Variants in ELP4 observed in about 807,000 individuals in gnomAD.
ELP4 encodes elongator acetyltransferase complex subunit 4, also known as elongator complex protein 4.
ELP4 carries 51 observed loss-of-function variants against 48.9 expected under a neutral mutation model. That is an observed-to-expected ratio of 1.04 (90% CI 0.83 to 1.32). ELP4 has a LOEUF of 1.32. Among genes scored for constraint, ELP4 ranks in the 40% most tolerant of loss-of-function variants. ELP4 has a pLI of 0.00. For missense variants in ELP4, 519 were observed against 514.6 expected (o/e 1.01, Z -0.08); for synonymous variants, 210 against 189.2 (o/e 1.11, Z -0.90).
chr11:31,703,163 G>C (rs1946562450), intron 9 of ELP4, among the ~76,000 whole-genome samples: 2 of 152,224 alleles, frequency 1.3e-5, no homozygotes, highest in South Asian at 2.1e-4. Context: ...CAGTGACTAC[G>C]TGTTTGGTCT....
At chr11:31,570,777 CA>C (rs1957180910) in intron 3 of ELP4, among the ~76,000 whole-genome samples, 1 of 146,628 alleles carries the variant, frequency 6.8e-6, no homozygotes, top group Non-Finnish European at 1.5e-5. Flanking sequence ...TGTGCCTGGC[CA>C]AACTGTAAAC....
chr11:31,738,624 G>A (rs1020180286), intron 9 of ELP4, among the ~76,000 whole-genome samples: 15 of 151,894 alleles, frequency 9.9e-5, no homozygotes, highest in Non-Finnish European at 1.6e-4. Context: ...TAGTCTCAGC[G>A]CCGGGGGAGG....
At chr11:31,531,508 A>T (rs1956395398) in intron 2 of ELP4, among the ~76,000 whole-genome samples, 1 of 152,206 alleles carries the variant, frequency 6.6e-6, no homozygotes, top group South Asian at 2.1e-4. Flanking sequence ...GGTGCCACCT[A>T]ATCTTGGTCT....
chr11:31,755,730 CAAAAAAA>C (rs58181247), intron 9 of ELP4, among the ~76,000 whole-genome samples: 1 of 99,252 alleles, frequency 1.0e-5, no homozygotes, highest in Non-Finnish European at 2.3e-5. Context: ...CCTGGAATTA[CAAAAAAA>C]AAAAAAAAAA....
intron 3 of ELP4, among the ~76,000 whole-genome samples, chr11:31,549,712 C>G (rs1354358409): frequency 6.6e-6 from 1 of 152,132 alleles, no homozygotes; most frequent in Non-Finnish European, 1.5e-5. Context: ...GCACTATTCA[C>G]AATAGCAAAG....
intron 3 of ELP4, among the ~76,000 whole-genome samples, chr11:31,558,892 A>C (rs1038023917): frequency 1.3e-5 from 2 of 152,192 alleles, no homozygotes; most frequent in African/African-American, 4.8e-5. Flanking sequence ...CCAAAGTCAG[A>C]ATTGGGAATA....
chr11:31,660,398 T>C (rs1316714128), intron 9 of ELP4, among the ~76,000 whole-genome samples: 2 of 152,202 alleles, frequency 1.3e-5, no homozygotes, highest in African/African-American at 4.8e-5. Context: ...GTCAGTGCTA[T>C]AGCATGAAGT....
intron 1 of ELP4, among the ~76,000 whole-genome samples, chr11:31,518,922 G>A (rs182853733): frequency 9.6e-4 from 141 of 147,418 alleles, no homozygotes; most frequent in African/African-American, 3.3e-3. Flanking sequence ...AAAAATTCCC[G>A]TTTCTCAGCC....
intron 3 of ELP4, among the ~76,000 whole-genome samples, chr11:31,557,502 AC>A (rs1409424905): frequency 6.6e-6 from 1 of 151,996 alleles, no homozygotes; most frequent in East Asian, 1.9e-4. Context: ...TATTCACTGA[AC>A]AGAGAACAAA....
At chr11:31,689,663 T>C (rs1015125076) in intron 9 of ELP4, among the ~76,000 whole-genome samples, 1 of 152,118 alleles carries the variant, frequency 6.6e-6, no homozygotes, top group Non-Finnish European at 1.5e-5. Flanking sequence ...CCATCTTATG[T>C]TCTATGTACT....
At chr11:31,769,599 G>A (rs1363189708) in intron 9 of ELP4, among the ~76,000 whole-genome samples, 4 of 152,144 alleles carry the variant, frequency 2.6e-5, no homozygotes, top group Non-Finnish European at 5.9e-5. Flanking sequence ...ATTGGATAGT[G>A]GATCTGCTGC....
At chr11:31,548,913 T>A (rs1242570292) in intron 3 of ELP4, among the ~76,000 whole-genome samples, 3 of 152,012 alleles carry the variant, frequency 2.0e-5, no homozygotes. Context: ...TAAATGGTGC[T>A]GGGAAAACTG....
chr11:31,677,736 A>G (rs543067345), intron 9 of ELP4, among the ~76,000 whole-genome samples: 4 of 152,188 alleles, frequency 2.6e-5, no homozygotes, highest in Non-Finnish European at 5.9e-5. Flanking sequence ...GAAAAATTGA[A>G]AAGAAAATAT....
chr11:31,528,620 A>G (rs904634238), intron 2 of ELP4, among the ~76,000 whole-genome samples: 2 of 152,126 alleles, frequency 1.3e-5, no homozygotes, highest in Admixed American at 6.5e-5. Context: ...GCCAATTTCT[A>G]TTTCTGTGCT....
rs1047467258 is a variant in ELP4 at position 31,621,169 on chromosome 11, A to G, written c.654-5941A>G. On this transcript the variant is annotated intron_variant, in intron 5 of 9. Transcript: ENST00000640961. ...TACTGCCTTACAAGGGTATCTCACT[A>G]TTTGTCATAGATGAATACCTAAAAT... is the stretch of plus-strand genomic sequence containing the variant. Among the ~76,000 whole-genome samples the G allele has an allele frequency of 3.3e-5, 5 of 152,094 alleles. No individual in the cohort carries two copies. The East Asian group carries it at 7.7e-4, about 24-fold the overall frequency.
intron 3 of ELP4, among the ~76,000 whole-genome samples, chr11:31,540,290 T>C (rs1387607716): frequency 6.6e-6 from 1 of 152,224 alleles, no homozygotes; most frequent in Admixed American, 6.5e-5. Context: ...ATTTGAATTT[T>C]CAGCCTGAAA....
chr11:31,604,447 G>T (rs901865812), intron 5 of ELP4, among the ~76,000 whole-genome samples: 2 of 151,636 alleles, frequency 1.3e-5, no homozygotes, highest in East Asian at 3.9e-4. Flanking sequence ...TTAGAGTTTG[G>T]GTTTTAAGTA....
intron 3 of ELP4, among the ~76,000 whole-genome samples, chr11:31,561,317 A>T (rs1957021391): frequency 6.6e-6 from 1 of 152,220 alleles, no homozygotes; most frequent in African/African-American, 2.4e-5. Context: ...CTGCCAAAGG[A>T]ACACTCAAAT....
intron 3 of ELP4, among the ~76,000 whole-genome samples, chr11:31,576,564 A>T (rs1032189530): frequency 6.6e-6 from 1 of 152,206 alleles, no homozygotes; most frequent in East Asian, 1.9e-4. Flanking sequence ...CAGCAAATGT[A>T]AAAGAACATA....
Sources: allele counts gnomAD v4.1 joint callset (sites outside exome capture counted in the v4.1 genomes callset), GRCh38; gene constraint gnomAD v4.1.1; transcripts MANE v1.5; gene names NCBI Gene and HGNC (gene_info 2026-07-23, HGNC 2026-07-21).